Variants in CTIF observed in about 807,000 individuals in gnomAD.
CTIF encodes the protein CBP80/20-dependent translation initiation factor.
In CTIF, 21 loss-of-function variants were observed where a neutral mutation model predicts 66.0. That is an observed-to-expected ratio of 0.32 (90% confidence interval 0.23 to 0.46). The LOEUF is 0.46. Ranked by LOEUF, CTIF falls within the 20% of genes least tolerant of loss-of-function variation. CTIF has a pLI of 1.00. For missense variants in CTIF, 739 were observed against 812.7 expected (o/e 0.91, Z 1.10); for synonymous variants, 345 against 326.4 (o/e 1.06, Z -0.62).
intron 7 of CTIF, 74 bp downstream of exon 7, chr18:48,711,769 C>A: frequency 1.5e-6 from 2 of 1,316,464 alleles, no homozygotes; most frequent in Non-Finnish European, 1.1e-6. Flanking sequence ...TCAGCTTTGG[C>A]CTGCATTTCG....
intron 9 of CTIF, among the ~76,000 whole-genome samples, chr18:48,792,506 C>A (rs1599051703): frequency 6.6e-6 from 1 of 152,128 alleles, no homozygotes; most frequent in South Asian, 2.1e-4. Flanking sequence ...TGCAGGGATA[C>A]CAGCCTGGAG....
At chr18:48,750,949 A>C (rs1402286307) in intron 7 of CTIF, among the ~76,000 whole-genome samples, 2 of 152,222 alleles carry the variant, frequency 1.3e-5, no homozygotes, top group Non-Finnish European at 2.9e-5. Flanking sequence ...ATATAAGTTC[A>C]AACCCAGGCT....
intron 1 of CTIF, among the ~76,000 whole-genome samples, chr18:48,582,720 C>T (rs1423660857): frequency 6.6e-6 from 1 of 152,122 alleles, no homozygotes; most frequent in Non-Finnish European, 1.5e-5. Context: ...GTTAGAGCTG[C>T]TGCTCTGCGC....
intron 10 of CTIF, among the ~76,000 whole-genome samples, chr18:48,829,278 C>T (rs1019255655): frequency 4.6e-5 from 7 of 152,160 alleles, no homozygotes; most frequent in Middle Eastern, 3.2e-3. Context: ...ACACCCTCAC[C>T]GTCCCTTAGC....
intron 7 of CTIF, among the ~76,000 whole-genome samples, chr18:48,734,522 C>T (rs1228324066): frequency 1.3e-5 from 2 of 152,194 alleles, no homozygotes; most frequent in African/African-American, 2.4e-5. Context: ...GCCAAGATTG[C>T]ACCACTGCAC....
chr18:48,722,019 A>G (rs1024843170), intron 7 of CTIF, among the ~76,000 whole-genome samples: 1 of 152,150 alleles, frequency 6.6e-6, no homozygotes, highest in South Asian at 2.1e-4. Flanking sequence ...TCTGAAAGAC[A>G]TGTTGGAGGC....
intron 7 of CTIF, among the ~76,000 whole-genome samples, chr18:48,735,699 T>C (rs2092495339): frequency 6.6e-6 from 1 of 152,036 alleles, no homozygotes; most frequent in African/African-American, 2.4e-5. Context: ...TTAGTTGGAG[T>C]CTTGAGGATT....
intron 10 of CTIF, among the ~76,000 whole-genome samples, chr18:48,822,375 T>A (rs953243725): frequency 6.6e-6 from 1 of 152,148 alleles, no homozygotes; most frequent in African/African-American, 2.4e-5. Flanking sequence ...TCTAGCTATT[T>A]TGAAATATAT....
chr18:48,746,477 G>T (rs954688322), intron 7 of CTIF, among the ~76,000 whole-genome samples: 1 of 150,976 alleles, frequency 6.6e-6, no homozygotes, highest in Non-Finnish European at 1.5e-5. Flanking sequence ...AAGATCAGGC[G>T]CAGGGACAAG....
At chr18:48,828,887 G>A (rs575250516) in intron 10 of CTIF, among the ~76,000 whole-genome samples, 1 of 152,308 alleles carries the variant, frequency 6.6e-6, no homozygotes, top group Non-Finnish European at 1.5e-5. Flanking sequence ...TCGCAGCCCT[G>A]GACGGCTTGC....
intron 7 of CTIF, among the ~76,000 whole-genome samples, chr18:48,719,779 A>G (rs998206883): frequency 2.6e-5 from 4 of 152,166 alleles, no homozygotes; most frequent in African/African-American, 9.7e-5. Context: ...TGAATTTGCT[A>G]TTTTAAATGG....
intron 1 of CTIF, among the ~76,000 whole-genome samples, chr18:48,599,770 G>A (rs1213145530): frequency 1.3e-5 from 2 of 152,202 alleles, no homozygotes; most frequent in Non-Finnish European, 2.9e-5. Context: ...ATCTCCTCTA[G>A]CGACAGGGTG....
intron 6 of CTIF, among the ~76,000 whole-genome samples, chr18:48,683,755 T>C (rs904313939): frequency 6.6e-6 from 1 of 152,186 alleles, no homozygotes; most frequent in Admixed American, 6.5e-5. Context: ...GTGGGTTTCC[T>C]GGAGTGTGTC....
chr18:48,811,768 C>T (rs1036484624), intron 9 of CTIF, among the ~76,000 whole-genome samples: 10 of 152,128 alleles, frequency 6.6e-5, no homozygotes. Flanking sequence ...GAATAGTATT[C>T]CACTGTATGT....
chr18:48,720,711 T>C (rs928637894), intron 7 of CTIF, among the ~76,000 whole-genome samples: 1 of 152,176 alleles, frequency 6.6e-6, no homozygotes, highest in African/African-American at 2.4e-5. Context: ...AGGTCCATGC[T>C]TGATTGAAAT....
chr18:48,617,163 C>T (rs2090414709), intron 1 of CTIF, among the ~76,000 whole-genome samples: 2 of 152,140 alleles, frequency 1.3e-5, no homozygotes, highest in Admixed American at 1.3e-4. Context: ...CACTTCCTTG[C>T]CAGTTGTTGA....
intron 9 of CTIF, among the ~76,000 whole-genome samples, chr18:48,793,986 T>G (rs1236122427): frequency 2.0e-5 from 3 of 152,140 alleles, no homozygotes. Flanking sequence ...TAAGCACCTG[T>G]TACCTTCGCT....
intron 9 of CTIF, among the ~76,000 whole-genome samples, chr18:48,812,243 T>C (rs1168828013): frequency 6.6e-6 from 1 of 152,156 alleles, no homozygotes; most frequent in African/African-American, 2.4e-5. Flanking sequence ...GGATTATAGG[T>C]GTGAGCCACC....
At chr18:48,750,615 C>T (rs1163188000) in intron 7 of CTIF, among the ~76,000 whole-genome samples, 1 of 152,236 alleles carries the variant, frequency 6.6e-6, no homozygotes, top group Non-Finnish European at 1.5e-5. Flanking sequence ...CCAAGGGCTG[C>T]AGTGGCTTCT....
Sources: gnomAD v4.1 joint callset for allele counts (sites outside exome capture counted in the v4.1 genomes callset) on GRCh38, gnomAD v4.1.1 for gene constraint, MANE v1.5 for transcripts, NCBI Gene and HGNC (gene_info 2026-07-23, HGNC 2026-07-21) for gene names.